USP13: variants seen among roughly 807,000 people sequenced by gnomAD.
USP13 encodes ubiquitin specific peptidase 13, also known as ubiquitin carboxyl-terminal hydrolase 13.
USP13 carries 68 observed loss-of-function variants against 107.8 expected under a neutral mutation model. That is an observed-to-expected ratio of 0.63 (90% CI 0.52 to 0.77). The LOEUF (loss-of-function observed/expected upper bound fraction) is 0.77, where lower values mean the gene tolerates loss of function less well. USP13 is among the 30% of genes least tolerant of loss of function. USP13 has a pLI of 0.00. For missense variants in USP13, 945 were observed against 1,093.3 expected (o/e 0.86, Z 1.91); for synonymous variants, 377 against 389.5 (o/e 0.97, Z 0.38).
Position 179,758,791 on chromosome 3 carries a change from C to T in USP13, c.1948+1713C>T, listed in dbSNP as rs190647649. On this transcript the variant is annotated intron_variant, in intron 16 of 20. Transcript: ENST00000263966. ...GGGATTACACACGTGAGCCACCGCG[C>T]CCGGCCCTTAAAATTTTTAAAAGAA... is the stretch of plus-strand genomic sequence containing the variant. Among the ~76,000 whole-genome samples the T allele has an allele frequency of 4.6e-5, 7 of 152,140 alleles. No individual in the cohort carries two copies. The East Asian group carries it at 9.7e-4, about 21-fold the overall frequency.
chr3:179,726,630 G>A lies in USP13; in HGVS notation c.1089-3559G>A, dbSNP rs191154852. 3.3e-3 allele frequency among the ~76,000 whole-genome samples: 497 copies of A among 152,122 alleles called. 6 individuals are homozygous for A. The highest frequency in any genetic ancestry group is 3.9e-3 in the Non-Finnish European group (268 of 67,998). On this transcript the variant is annotated intron_variant, in intron 8 of 20. Coordinates refer to ENST00000263966, the MANE Select transcript of USP13 (RefSeq NM_003940.3). ...GCAGAGTGGTTCCGAACTTGGCCTG[G>A]TGCCTGGCTGCATGGGTCCATTCTG...
intron 20 of USP13, among the ~76,000 whole-genome samples, chr3:179,782,597 G>A (rs1453935171): frequency 2.6e-5 from 4 of 152,128 alleles, no homozygotes; most frequent in Non-Finnish European, 5.9e-5. Flanking sequence ...CAGGCCATGT[G>A]GATGCTGGAG....
At chr3:179,687,256 C>G (rs1711904155) in intron 2 of USP13, among the ~76,000 whole-genome samples, 1 of 152,074 alleles carries the variant, frequency 6.6e-6, no homozygotes, top group Admixed American at 6.6e-5. Context: ...ATCTGCTTTC[C>G]CTCTGTGTCT....
chr3:179,788,663 A>T lies in USP13; in HGVS notation c.*4522A>T, dbSNP rs1715977181. 6.6e-6 allele frequency: 1 copy of T among 152,162 alleles called. No individual in the cohort carries two copies. Among genetic ancestry groups the T allele is most frequent in the Admixed American group, 6.5e-5 (1 of 15,268 alleles). 9.4% of individuals were successfully genotyped at this position (152,162 alleles called of 1,614,324 possible). ...ATTGAAATTAAAATTCTTTTCACCC[A>T]TTTTTATTTTTTTAAAAATGTGGCC... is the stretch of plus-strand genomic sequence containing the variant. On this transcript the variant is annotated 3_prime_UTR_variant, in exon 21 of 21. Transcript: ENST00000263966.
chr3:179,778,634 C>T (rs1576996589), intron 19 of USP13, among the ~76,000 whole-genome samples: 1 of 152,114 alleles, frequency 6.6e-6, no homozygotes. Flanking sequence ...GGCATAGTGG[C>T]GTGTGCCTGT....
At chr3:179,783,963 G>A (rs1715835748) in intron 20 of USP13, 85 bp from the exon 21 acceptor site, 2 of 1,036,592 alleles carry the variant, frequency 1.9e-6, no homozygotes, top group Non-Finnish European at 2.9e-6. Flanking sequence ...GTTAAGTGTT[G>A]TGCGCCATAT....
At chr3:179,748,466 C>T (rs954692835) in intron 13 of USP13, among the ~76,000 whole-genome samples, 9 of 152,136 alleles carry the variant, frequency 5.9e-5, no homozygotes, top group African/African-American at 2.2e-4. Flanking sequence ...TTTTGTTACA[C>T]CCAGAGCCTG....
chr3:179,708,040 A>G (rs1458804753), intron 5 of USP13, among the ~76,000 whole-genome samples: 1 of 152,224 alleles, frequency 6.6e-6, no homozygotes, highest in Non-Finnish European at 1.5e-5. Flanking sequence ...GTGTAGTCGG[A>G]TTTGTATAAA....
intron 1 of USP13, among the ~76,000 whole-genome samples, chr3:179,663,573 C>T (rs908082943): frequency 6.6e-6 from 1 of 152,206 alleles, no homozygotes; most frequent in African/African-American, 2.4e-5. Context: ...CAGAAGCTTC[C>T]TAACAACCAC....
chr3:179,743,468 G>C (rs537371432), intron 12 of USP13, among the ~76,000 whole-genome samples: 1 of 151,550 alleles, frequency 6.6e-6, no homozygotes, highest in East Asian at 1.9e-4. Flanking sequence ...GGGGGTGGTG[G>C]GTCAGTTTAT....
intron 3 of USP13, among the ~76,000 whole-genome samples, chr3:179,690,699 A>C (rs1712085844): frequency 1.3e-5 from 2 of 152,108 alleles, no homozygotes; most frequent in Admixed American, 1.3e-4. Context: ...CAGCCTCCCA[A>C]GTAGCTGAGA....
At chr3:179,701,570 AAAAT>A (rs1283845086) in intron 4 of USP13, among the ~76,000 whole-genome samples, 2 of 152,318 alleles carry the variant, frequency 1.3e-5, no homozygotes, top group East Asian at 3.9e-4. Context: ...TGTTTGGAAA[AAAAT>A]AGAAGTGCTC....
chr3:179,763,720 G>A (rs1715078857), intron 17 of USP13, among the ~76,000 whole-genome samples: 1 of 152,018 alleles, frequency 6.6e-6, no homozygotes, highest in Non-Finnish European at 1.5e-5. Flanking sequence ...CCAAGTAGCT[G>A]GATTACAGGT....
At chr3:179,657,485 G>A (rs901813911) in intron 1 of USP13, among the ~76,000 whole-genome samples, 2 of 152,038 alleles carry the variant, frequency 1.3e-5, no homozygotes, top group East Asian at 1.9e-4. Flanking sequence ...AGTCATGGCC[G>A]GGTGCTGTGG....
At chr3:179,757,260 G>A in intron 16 of USP13, 182 bp downstream of exon 16, 1 of 619,248 alleles carries the variant, frequency 1.6e-6, no homozygotes, top group East Asian at 2.7e-5. Context: ...ATGGGGCTCA[G>A]GAGAGTGACC....
chr3:179,733,680 A>T (rs1413854537), intron 10 of USP13, among the ~76,000 whole-genome samples: 1 of 152,174 alleles, frequency 6.6e-6, no homozygotes, highest in East Asian at 1.9e-4. Context: ...AGAGGAATGT[A>T]TGGTGTGGGG....
In USP13 at chr3:179,700,997, T is replaced by C. The variant is rs779925687; in HGVS notation, c.356-11T>C. 1 of 1,609,412 alleles carries C rather than the reference T, an allele frequency of 6.2e-7. No individual in the cohort carries two copies. Among genetic ancestry groups the C allele is most frequent in the South Asian group, 1.1e-5 (1 of 90,446 alleles). On this transcript the variant is annotated splice_polypyrimidine_tract_variant and intron_variant, in intron 3 of 20. Coordinates refer to ENST00000263966, the MANE Select transcript of USP13 (RefSeq NM_003940.3). ...CTCACTTCTTGTTCTTTGTTTTTGTTTTCTCCTCAGATCTAGATACTGATG... is the reference window on the plus strand; with the variant it reads ...CTCACTTCTTGTTCTTTGTTTTTGTCTTCTCCTCAGATCTAGATACTGATG...
chr3:179,683,162 A>T lies in USP13; in HGVS notation c.294+1159A>T, dbSNP rs1233844694. Reference sequence around the variant, plus strand: ...GTGATGAGTTATTTTTACATTCTGGATACCAAACCTTTGTTTGTTACATAC... The same window carrying T: ...GTGATGAGTTATTTTTACATTCTGGTTACCAAACCTTTGTTTGTTACATAC... On this transcript the variant is annotated intron_variant, in intron 2 of 20. Coordinates refer to ENST00000263966, the MANE Select transcript of USP13 (RefSeq NM_003940.3). Among the ~76,000 whole-genome samples the T allele has an allele frequency of 2.7e-5, 4 of 149,712 alleles. No individual in the cohort carries two copies. The South Asian group carries it at 8.4e-4, about 32-fold the overall frequency.
intron 1 of USP13, among the ~76,000 whole-genome samples, chr3:179,659,057 T>C (rs1720376573): frequency 6.6e-6 from 1 of 152,184 alleles, no homozygotes; most frequent in South Asian, 2.1e-4. Context: ...GGGACTGTTT[T>C]TTAAGAAGGA....
Sources: gnomAD v4.1 joint callset for allele counts (sites outside exome capture counted in the v4.1 genomes callset) on GRCh38, gnomAD v4.1.1 for gene constraint, MANE v1.5 for transcripts, NCBI Gene and HGNC (gene_info 2026-07-23, HGNC 2026-07-21) for gene names.